Variants in CLPTM1 observed in about 807,000 individuals in gnomAD.
The protein encoded by CLPTM1 is CLPTM1 regulator of GABA type A receptor forward trafficking.
Under a neutral mutation model 77.3 loss-of-function variants are expected in CLPTM1, and 21 were observed. The ratio of observed to expected loss-of-function variants is 0.27; its 90% CI spans 0.19 to 0.39. The LOEUF (loss-of-function observed/expected upper bound fraction) is 0.39. Among genes scored for constraint, CLPTM1 ranks in the 10% least tolerant of loss-of-function variants. CLPTM1 has a pLI of 1.00. For synonymous variants in CLPTM1, 373 were observed against 381.0 expected (o/e 0.98, Z 0.24); for missense variants, 642 against 921.2 (o/e 0.70, Z 3.92).
chr19:44,959,809 TC>T (rs955572495), intron 1 of CLPTM1, among the ~76,000 whole-genome samples: 9 of 152,250 alleles, frequency 5.9e-5, no homozygotes, highest in Admixed American at 4.6e-4. Context: ...TTCCTGTTTT[TC>T]CACATCCCTG....
chr19:44,980,843 A>T (rs905161965), intron 5 of CLPTM1, among the ~76,000 whole-genome samples: 1 of 151,072 alleles, frequency 6.6e-6, no homozygotes, highest in African/African-American at 2.4e-5. Flanking sequence ...TTTATTTATT[A>T]TTATTTTTTT....
intron 4 of CLPTM1, 150 bp downstream of exon 4, chr19:44,974,747 A>C: frequency 1.2e-6 from 1 of 855,962 alleles, no homozygotes; most frequent in Admixed American, 2.9e-5. Flanking sequence ...ACCACAAGCC[A>C]GTCCCTGAGA....
chr19:44,973,823 G>A lies in CLPTM1; in HGVS notation c.309+613G>A, dbSNP rs950887800. Among the ~76,000 whole-genome samples the A allele has an allele frequency of 2.1e-5, 3 of 145,782 alleles. No homozygotes were observed. In the Admixed American group the frequency reaches 2.1e-4, roughly 10 times the overall value. On this transcript the variant is annotated intron_variant, in intron 3 of 13. Coordinates refer to ENST00000337392, the MANE Select transcript of CLPTM1 (RefSeq NM_001294.4). Reference sequence around the variant, plus strand: ...CTGTCGCCCAGGCTAGAGTGCAGTGGCATAATCTTAGCTCACTGCAACCTC... The same window carrying A: ...CTGTCGCCCAGGCTAGAGTGCAGTGACATAATCTTAGCTCACTGCAACCTC...
chr19:44,954,746 T>G (rs1457771242), upstream of CLPTM1: 7 of 1,317,596 alleles, frequency 5.3e-6, no homozygotes, highest in Admixed American at 1.0e-4. Flanking sequence ...GGCAGGGCAG[T>G]CCGAAGGCTT....
At chr19:44,967,554 G>A (rs529053228) in intron 2 of CLPTM1, among the ~76,000 whole-genome samples, 2 of 152,128 alleles carry the variant, frequency 1.3e-5, no homozygotes, top group East Asian at 3.9e-4. Context: ...CTATTCAGGA[G>A]GCTGAGGCAG....
intron 2 of CLPTM1, among the ~76,000 whole-genome samples, chr19:44,969,624 C>T (rs1970686629): frequency 6.6e-6 from 1 of 151,990 alleles, no homozygotes; most frequent in African/African-American, 2.4e-5. Context: ...CCATCACATC[C>T]ACACTCCAGG....
intron 5 of CLPTM1, among the ~76,000 whole-genome samples, chr19:44,979,702 T>C (rs1970863303): frequency 6.6e-6 from 1 of 152,122 alleles, no homozygotes; most frequent in Admixed American, 6.5e-5. Flanking sequence ...TGAGTGAGTG[T>C]GTCTGAAGAA....
rs530387421 is a variant in CLPTM1 at position 44,990,776 on chromosome 19, G to A, written c.1324-74G>A. 1.3e-4 allele frequency: 176 copies of A among 1,392,396 alleles called. No homozygotes were observed. The highest frequency in any genetic ancestry group is 1.7e-4 in the Non-Finnish European group (170 of 988,304). 86.3% of individuals were successfully genotyped at this position (1,392,396 alleles called of 1,614,324 possible). A position where few individuals can be genotyped will look rare whatever the true frequency, so the allele number is the denominator to read the frequency against. On this transcript the variant is annotated intron_variant, in intron 10 of 13. Coordinates refer to ENST00000337392, the MANE Select transcript of CLPTM1 (RefSeq NM_001294.4). This position sits in a 1 kb window ranked among gnomAD's most constrained non-coding sequence, Gnocchi z 4.8. ...CAGGGGAACTGGGAACGGTGGGGAA[G>A]GGCAGGGGCTGGTTCTGGCTTGTGG... is the stretch of plus-strand genomic sequence containing the variant.
chr19:44,964,210 T>C (rs965463904), intron 2 of CLPTM1, among the ~76,000 whole-genome samples: 3 of 151,948 alleles, frequency 2.0e-5, no homozygotes, highest in African/African-American at 4.8e-5. Flanking sequence ...GGTTGAGACT[T>C]TAACATATGA....
chr19:44,955,775 G>C (rs1348727892), intron 1 of CLPTM1: 4 of 315,086 alleles, frequency 1.3e-5, no homozygotes, highest in African/African-American at 8.7e-5. Context: ...TCTCAACTCC[G>C]CGATTCCATG....
chr19:44,954,977 A>G, upstream of CLPTM1: 2 of 1,535,594 alleles, frequency 1.3e-6, no homozygotes, highest in Non-Finnish European at 8.7e-7. Context: ...GCGTGGTTCG[A>G]AGCCGTACAG....
Position 44,987,431 on chromosome 19 carries a change from C to T in CLPTM1, c.1038+8C>T, listed in dbSNP as rs770087065. ...GAGCAGGACTCGGTGAAGGTGAGTG[C>T]GGCCGGTGTGGGCGGGACTTCCCGG... On this transcript the variant is annotated splice_region_variant and intron_variant, in intron 8 of 13. Transcript: ENST00000337392. 30 of 1,612,396 alleles carry T rather than the reference C, an allele frequency of 1.9e-5. No homozygotes were observed. The Admixed American group carries it at 2.0e-4, about 11-fold the overall frequency.
intron 9 of CLPTM1, chr19:44,989,928 G>A (rs1971042674): frequency 6.3e-6 from 1 of 158,540 alleles, no homozygotes; most frequent in South Asian, 2.0e-4. Flanking sequence ...TCAGGGCAGG[G>A]GCCTGGAGGA....
chr19:44,956,870 GCACGATCCGA>G (rs1370534418), intron 1 of CLPTM1, among the ~76,000 whole-genome samples: 1 of 152,162 alleles, frequency 6.6e-6, no homozygotes, highest in African/African-American at 2.4e-5. Context: ...TCACAGTCTT[GCACGATCCGA>G]CACTTTTCTT....
At chr19:44,973,290 C>A in intron 3 of CLPTM1, 80 bp downstream of exon 3, 1 of 1,588,364 alleles carries the variant, frequency 6.3e-7, no homozygotes, top group South Asian at 1.1e-5. Flanking sequence ...TGTCAGCAGT[C>A]GGGACAGACC....
At chr19:44,982,687 T>C (rs1448601600) in intron 5 of CLPTM1, among the ~76,000 whole-genome samples, 1 of 152,242 alleles carries the variant, frequency 6.6e-6, no homozygotes, top group Non-Finnish European at 1.5e-5. Context: ...CATGTCCCCC[T>C]GGAATTTTCT....
chr19:44,954,732 G>A, upstream of CLPTM1: 11 of 1,272,908 alleles, frequency 8.6e-6, no homozygotes, highest in Non-Finnish European at 1.1e-5. Flanking sequence ...GCGCATGCGT[G>A]CTAGGCAGGG....
intron 5 of CLPTM1, among the ~76,000 whole-genome samples, chr19:44,981,903 C>T (rs1180575454): frequency 6.6e-6 from 1 of 151,744 alleles, no homozygotes; most frequent in Admixed American, 6.6e-5. Context: ...GACCCTGTCT[C>T]ACAAATAAAT....
chr19:44,958,179 G>A (rs78460953), intron 1 of CLPTM1, among the ~76,000 whole-genome samples: 2 of 152,058 alleles, frequency 1.3e-5, no homozygotes, highest in East Asian at 1.9e-4. Context: ...AAAGATACAC[G>A]AGGGAAAAGC....
Sources: allele counts gnomAD v4.1 joint callset (sites outside exome capture counted in the v4.1 genomes callset), GRCh38; gene constraint gnomAD v4.1.1; non-coding constraint Gnocchi (gnomAD v3.1); transcripts MANE v1.5; gene names NCBI Gene and HGNC (gene_info 2026-07-23, HGNC 2026-07-21).